Variants in AGBL4 observed in about 807,000 individuals in gnomAD.
AGBL4 encodes the protein cytosolic carboxypeptidase 6.
In AGBL4, 58 loss-of-function variants were observed where a neutral mutation model predicts 66.4. That is an observed-to-expected ratio of 0.87 (90% confidence interval 0.71 to 1.09). The LOEUF (loss-of-function observed/expected upper bound fraction) is 1.09. Ranked by LOEUF, AGBL4 falls within the 50% of genes least tolerant of loss-of-function variation. The pLI, the probability that AGBL4 is intolerant of heterozygous loss-of-function variation, is 0.00. For synonymous variants in AGBL4, 234 were observed against 222.9 expected, an observed-to-expected ratio of 1.05 and a Z score of -0.44; for missense variants, 579 against 631.0, an observed-to-expected ratio of 0.92 and a Z score of 0.88.
At chr1:49,001,958 A>G (rs1312389199) in intron 5 of AGBL4, among the ~76,000 whole-genome samples, 1 of 152,242 alleles carries the variant, frequency 6.6e-6, no homozygotes, top group Non-Finnish European at 1.5e-5. Flanking sequence ...GTAAAGTAAG[A>G]TAATCGTCTT....
intron 1 of AGBL4, among the ~76,000 whole-genome samples, chr1:49,867,598 C>A (rs1402193726): frequency 1.3e-5 from 2 of 149,884 alleles, no homozygotes; most frequent in Non-Finnish European, 3.0e-5. Context: ...TGTTTCCAAC[C>A]AAGAATTTCA....
chr1:48,645,848 G>C (rs879377873), intron 8 of AGBL4, among the ~76,000 whole-genome samples: 2 of 152,104 alleles, frequency 1.3e-5, no homozygotes, highest in African/African-American at 2.4e-5. Flanking sequence ...TCTGGAGCAC[G>C]TTCAGAGGAC....
chr1:49,032,754 A>G lies in AGBL4; in HGVS notation c.594+12830T>C, dbSNP rs567210078. ...TGATAGTTTGAAGTATGGCTATGGC[A>G]GCAGAGATGAGGAAGGGACAGATTC... On this transcript the variant is annotated intron_variant, in intron 5 of 13. Coordinates refer to ENST00000371839, the MANE Select transcript of AGBL4 (RefSeq NM_032785.4). Among the ~76,000 whole-genome samples the G allele has an allele frequency of 4.6e-5, 7 of 152,286 alleles. 1 individual carries two copies. In the South Asian group the frequency reaches 1.4e-3, roughly 32 times the overall value.
chr1:49,505,849 T>C (rs1648631096), intron 3 of AGBL4, among the ~76,000 whole-genome samples: 1 of 152,048 alleles, frequency 6.6e-6, no homozygotes, highest in Non-Finnish European at 1.5e-5. Flanking sequence ...CTCTTCTTAA[T>C]TCCTATACCA....
chr1:49,030,070 G>A lies in AGBL4; in HGVS notation c.594+15514C>T, dbSNP rs150247865. 3.9e-3 allele frequency among the ~76,000 whole-genome samples: 595 copies of A among 152,136 alleles called. 1 individual carries two copies. Among genetic ancestry groups the A allele is most frequent in the Middle Eastern group, 0.024 (7 of 294 alleles). Reference sequence around the variant, plus strand: ...ATAAAGCTCTTAGAAGAAAACATAGGAGTAAATCTTTGTGACCTTTGGCCA... The same window carrying A: ...ATAAAGCTCTTAGAAGAAAACATAGAAGTAAATCTTTGTGACCTTTGGCCA... On this transcript the variant is annotated intron_variant, in intron 5 of 13. Transcript: ENST00000371839.
At chr1:49,414,950 T>C (rs1422424318) in intron 3 of AGBL4, among the ~76,000 whole-genome samples, 2 of 152,122 alleles carry the variant, frequency 1.3e-5, no homozygotes, top group Non-Finnish European at 2.9e-5. Flanking sequence ...ACAATAATAT[T>C]TACTTGAGTC....
At chr1:49,957,960 G>T (rs1656770923) in intron 1 of AGBL4, among the ~76,000 whole-genome samples, 1 of 152,104 alleles carries the variant, frequency 6.6e-6, no homozygotes, top group African/African-American at 2.4e-5. Context: ...AGCATCAATG[G>T]TCTTTACAAT....
At chr1:49,558,685 C>G (rs976287742) in intron 3 of AGBL4, among the ~76,000 whole-genome samples, 1 of 152,108 alleles carries the variant, frequency 6.6e-6, no homozygotes, top group Non-Finnish European at 1.5e-5. Context: ...ACCTCTGGAC[C>G]TGCCATGGGC....
intron 6 of AGBL4, chr1:48,761,041 G>A (rs1230443677): frequency 4.9e-5 from 14 of 286,102 alleles, no homozygotes; most frequent in African/African-American, 3.0e-4. Context: ...GACCTCTCCA[G>A]AGCTGTGGGC....
chr1:49,351,556 A>G (rs775531938), intron 3 of AGBL4, among the ~76,000 whole-genome samples: 1 of 152,156 alleles, frequency 6.6e-6, no homozygotes, highest in Non-Finnish European at 1.5e-5. Context: ...CATCTCAAAT[A>G]TATAAGGTGG....
At chr1:49,940,367 C>A (rs796242944) in intron 1 of AGBL4, among the ~76,000 whole-genome samples, 4 of 152,190 alleles carry the variant, frequency 2.6e-5, no homozygotes, top group South Asian at 4.2e-4. Context: ...ACCCAAAGGA[C>A]TATAAATCAT....
intron 4 of AGBL4, among the ~76,000 whole-genome samples, chr1:49,129,209 T>C (rs932196657): frequency 2.6e-5 from 4 of 152,056 alleles, no homozygotes; most frequent in South Asian, 4.1e-4. Context: ...ATTACAAGCA[T>C]TGACAAGGAT....
intron 6 of AGBL4, among the ~76,000 whole-genome samples, chr1:48,830,991 G>T (rs1558024906): frequency 1.3e-5 from 2 of 152,144 alleles, no homozygotes; most frequent in Non-Finnish European, 2.9e-5. Flanking sequence ...AAACCCAAAT[G>T]GTTATATAAT....
Position 48,677,327 on chromosome 1 carries a change from G to A in AGBL4, c.635-14086C>T, listed in dbSNP as rs1366108883. 2.6e-5 allele frequency among the ~76,000 whole-genome samples: 4 copies of A among 152,228 alleles called. No individual in the cohort carries two copies. In the South Asian group the frequency reaches 6.2e-4, roughly 24 times the overall value. On this transcript the variant is annotated intron_variant, in intron 6 of 13. Coordinates refer to ENST00000371839, the MANE Select transcript of AGBL4 (RefSeq NM_032785.4). ...GTAAGAAAACGTAAGCTGCATGCAT[G>A]AGGAGAAGGAGAAAGACATTTTTCA...
At chr1:48,749,764 T>G (rs1217551848) in intron 6 of AGBL4, among the ~76,000 whole-genome samples, 4 of 152,240 alleles carry the variant, frequency 2.6e-5, no homozygotes, top group Non-Finnish European at 5.9e-5. Context: ...GTTCTTCATC[T>G]GTGGTTCTTC....
At chr1:48,524,456 GC>G in the AGBL4 span, among the ~76,000 whole-genome samples, 1 of 152,214 alleles carries the variant, frequency 6.6e-6, no homozygotes, top group African/African-American at 2.4e-5. Context: ...GGCTGAATCA[GC>G]CAGGATCAGC....
chr1:49,033,020 C>T (rs1664353775), intron 5 of AGBL4, among the ~76,000 whole-genome samples: 1 of 151,980 alleles, frequency 6.6e-6, no homozygotes, highest in South Asian at 2.1e-4. Flanking sequence ...GGTCACAATT[C>T]CCAGCACCTT....
At chr1:48,930,507 A>G (rs1419668052) in intron 5 of AGBL4, among the ~76,000 whole-genome samples, 1 of 152,102 alleles carries the variant, frequency 6.6e-6, no homozygotes, top group Non-Finnish European at 1.5e-5. Flanking sequence ...CATTTTAGCA[A>G]CTTACATCTT....
chr1:48,683,514 A>G (rs897775068), intron 6 of AGBL4, among the ~76,000 whole-genome samples: 11 of 152,336 alleles, frequency 7.2e-5, no homozygotes, highest in Middle Eastern at 3.4e-3. Context: ...ATCATGACTC[A>G]GAATCAGGAT....
Sources: gnomAD v4.1 joint callset for allele counts (sites outside exome capture counted in the v4.1 genomes callset) on GRCh38, gnomAD v4.1.1 for gene constraint, MANE v1.5 for transcripts, NCBI Gene and HGNC (gene_info 2026-07-23, HGNC 2026-07-21) for gene names.